Variants in LRRC37A2 observed in about 807,000 individuals in gnomAD.
The protein encoded by LRRC37A2 is leucine rich repeat containing 37 member A2.
Under a neutral mutation model 68.8 loss-of-function variants are expected in LRRC37A2, and 9 were observed. The ratio of observed to expected loss-of-function variants is 0.13; its 90% confidence interval spans 0.08 to 0.23. The LOEUF (loss-of-function observed/expected upper bound fraction) is 0.23. LRRC37A2 is among the 10% of genes least tolerant of loss of function. The pLI is 1.00. For synonymous variants in LRRC37A2, 63 were observed against 367.6 expected (o/e 0.17, Z 9.48); for missense variants, 168 against 950.4 (o/e 0.18, Z 10.82).
chr17:46,839,363 C>A, the LRRC37A2 span, among the ~76,000 whole-genome samples: 1 of 152,168 alleles, frequency 6.6e-6, no homozygotes, highest in African/African-American at 2.4e-5. Context: ...CACTCTTAGC[C>A]CCTGGCGGGT....
the LRRC37A2 span, chr17:46,876,444 A>C: frequency 6.2e-7 from 1 of 1,613,712 alleles, no homozygotes; most frequent in Non-Finnish European, 8.5e-7. Context: ...CCTGCCAGGC[A>C]GGGCAGCCTC....
chr17:46,931,358 T>C, the LRRC37A2 span: 1 of 670,836 alleles, frequency 1.5e-6, no homozygotes, highest in Non-Finnish European at 2.7e-6. Flanking sequence ...AAGGGCACAA[T>C]TCTATCTGAG....
the LRRC37A2 span, among the ~76,000 whole-genome samples, chr17:46,992,235 G>A: frequency 1.8e-4 from 12 of 67,784 alleles, 1 homozygote; most frequent in African/African-American, 5.5e-4. Flanking sequence ...AGGTGTAGTG[G>A]TACACACCTG....
the LRRC37A2 span, among the ~76,000 whole-genome samples, chr17:46,884,227 C>G: frequency 2.6e-5 from 4 of 152,208 alleles, no homozygotes; most frequent in African/African-American, 9.7e-5. Context: ...GCCAGCCCTC[C>G]GAGCCCGGGG....
chr17:47,019,591 G>C, the LRRC37A2 span: 339,855 of 1,408,388 alleles, frequency 0.24, 47,398 homozygotes, highest in Non-Finnish European at 0.27. Flanking sequence ...CTAGAACCTA[G>C]TCAGGATTCA....
At chr17:46,999,780 C>T in the LRRC37A2 span, among the ~76,000 whole-genome samples, 3 of 151,696 alleles carry the variant, frequency 2.0e-5, no homozygotes, top group African/African-American at 4.8e-5. Flanking sequence ...AGGCAGATTA[C>T]TTGAGGTCAG....
the LRRC37A2 span, among the ~76,000 whole-genome samples, chr17:46,972,004 CAG>C: frequency 1.3e-5 from 2 of 152,164 alleles, no homozygotes; most frequent in Non-Finnish European, 2.9e-5. Flanking sequence ...GCAGAGGGCA[CAG>C]GGCACGTGGG....
At chr17:46,976,020 G>A in the LRRC37A2 span, among the ~76,000 whole-genome samples, 1 of 151,862 alleles carries the variant, frequency 6.6e-6, no homozygotes, top group Non-Finnish European at 1.5e-5. Context: ...TCCGCCTCCC[G>A]GGTTCACGCC....
chr17:46,784,844 C>T, the LRRC37A2 span, among the ~76,000 whole-genome samples: 3 of 149,362 alleles, frequency 2.0e-5, no homozygotes, highest in Non-Finnish European at 3.0e-5. Flanking sequence ...GGCGCGATCT[C>T]GGGTCACTGC....
the LRRC37A2 span, among the ~76,000 whole-genome samples, chr17:47,011,300 A>T: frequency 6.6e-6 from 1 of 152,174 alleles, no homozygotes; most frequent in Non-Finnish European, 1.5e-5. Flanking sequence ...CTGTAATCCC[A>T]GCACTTTGGG....
At chr17:47,017,748 A>G in the LRRC37A2 span, 1 of 1,610,844 alleles carries the variant, frequency 6.2e-7, no homozygotes, top group Non-Finnish European at 8.5e-7. Context: ...TGAATATTCC[A>G]GTACAGATAC....
chr17:46,935,487 CAGAATCTACTCTT>C, the LRRC37A2 span: 1 of 1,359,608 alleles, frequency 7.4e-7, no homozygotes, highest in Non-Finnish European at 9.4e-7. Context: ...AATTGTGTTA[CAGAATCTACTCTT>C]GGAAGAATGA....
chr17:46,979,678 T>C, the LRRC37A2 span, among the ~76,000 whole-genome samples: 2 of 151,900 alleles, frequency 1.3e-5, no homozygotes, highest in Non-Finnish European at 2.9e-5. Context: ...CTCACAGCTT[T>C]CCCGGGGTGA....
the LRRC37A2 span, chr17:46,876,475 G>C: frequency 6.2e-7 from 1 of 1,613,676 alleles, no homozygotes; most frequent in East Asian, 2.2e-5. Context: ...TGGCCCCAAG[G>C]TCTGGGGACC....
the LRRC37A2 span, among the ~76,000 whole-genome samples, chr17:46,746,575 T>C: frequency 2.0e-5 from 3 of 152,052 alleles, no homozygotes; most frequent in African/African-American, 7.3e-5. Flanking sequence ...TGAAGACTTA[T>C]CTATGGACTG....
chr17:46,855,961 T>TTA, the LRRC37A2 span, among the ~76,000 whole-genome samples: 1 of 152,334 alleles, frequency 6.6e-6, no homozygotes, highest in Non-Finnish European at 1.5e-5. Flanking sequence ...ACTGCTGGGC[T>TTA]TATAGGTGTG....
chr17:46,992,117 T>C, the LRRC37A2 span, among the ~76,000 whole-genome samples: 1 of 151,994 alleles, frequency 6.6e-6, no homozygotes, highest in Non-Finnish European at 1.5e-5. Context: ...TCCCAGCACT[T>C]TGGGAGGCTG....
the LRRC37A2 span, chr17:46,923,200 C>A: frequency 6.5e-7 from 1 of 1,548,328 alleles, no homozygotes; most frequent in Non-Finnish European, 8.7e-7. Flanking sequence ...GACATGGATC[C>A]CCTGTTCCAG....
At chr17:46,949,879 G>A in the LRRC37A2 span, among the ~76,000 whole-genome samples, 1 of 152,174 alleles carries the variant, frequency 6.6e-6, no homozygotes, top group Non-Finnish European at 1.5e-5. Flanking sequence ...TGTGGAGGAG[G>A]GAAGAAAGGC....
Sources: allele counts gnomAD v4.1 joint callset (sites outside exome capture counted in the v4.1 genomes callset), GRCh38; gene constraint gnomAD v4.1.1; transcripts MANE v1.5; gene names NCBI Gene and HGNC (gene_info 2026-07-23, HGNC 2026-07-21).